Variants in TLL2 observed in about 807,000 individuals in gnomAD.
The protein encoded by TLL2 is tolloid-like protein 2.
Under a neutral mutation model 123.0 loss-of-function variants are expected in TLL2, and 106 were observed. The ratio of observed to expected loss-of-function variants is 0.86; its 90% confidence interval spans 0.74 to 1.01. The LOEUF (loss-of-function observed/expected upper bound fraction) is 1.01, where lower values mean the gene tolerates loss of function less well. Ranked by LOEUF, TLL2 falls within the 50% of genes least tolerant of loss-of-function variation. The pLI, the probability that TLL2 is intolerant of heterozygous loss-of-function variation, is 0.00. For synonymous variants in TLL2, 494 were observed against 516.8 expected (o/e 0.96, Z 0.60); for missense variants, 1,332 against 1,336.7 (o/e 1.00, Z 0.06).
intron 16 of TLL2, among the ~76,000 whole-genome samples, chr10:96,384,016 T>G (rs1024202646): frequency 2.0e-5 from 3 of 152,206 alleles, no homozygotes; most frequent in Non-Finnish European, 2.9e-5. Context: ...GAATGTGATC[T>G]TACTTGGAAA....
At chr10:96,384,999 G>T (rs1846220384) in intron 15 of TLL2, among the ~76,000 whole-genome samples, 1 of 152,252 alleles carries the variant, frequency 6.6e-6, no homozygotes, top group Non-Finnish European at 1.5e-5. Flanking sequence ...AGAGCACAGG[G>T]CTCCCAAACC....
At chr10:96,460,820 T>C (rs1317697701) in intron 2 of TLL2, among the ~76,000 whole-genome samples, 1 of 152,152 alleles carries the variant, frequency 6.6e-6, no homozygotes, top group Non-Finnish European at 1.5e-5. Flanking sequence ...AATGCCCTTA[T>C]AAAAGAGACC....
intron 2 of TLL2, among the ~76,000 whole-genome samples, chr10:96,460,146 A>C (rs1847065915): frequency 1.3e-5 from 2 of 152,226 alleles, no homozygotes; most frequent in Non-Finnish European, 2.9e-5. Context: ...CCACTCATAT[A>C]AGGGAAAATA....
chr10:96,508,123 C>T (rs1564921813), intron 1 of TLL2, among the ~76,000 whole-genome samples: 3 of 152,154 alleles, frequency 2.0e-5, no homozygotes, highest in Admixed American at 2.0e-4. Context: ...CAGGAGGCAC[C>T]ATGTGAGCCT....
At chr10:96,378,163 ACT>A (rs1846154429) in intron 17 of TLL2, among the ~76,000 whole-genome samples, 3 of 152,128 alleles carry the variant, frequency 2.0e-5, no homozygotes, top group Non-Finnish European at 2.9e-5. Context: ...TCCTGACCAG[ACT>A]CTGCGGCACC....
intron 7 of TLL2, among the ~76,000 whole-genome samples, chr10:96,418,754 A>G (rs536075968): frequency 7.3e-6 from 1 of 136,742 alleles, no homozygotes; most frequent in South Asian, 2.2e-4. Flanking sequence ...TTTATAAAAT[A>G]ATAATTATTA....
intron 10 of TLL2, among the ~76,000 whole-genome samples, chr10:96,403,228 CTCT>C (rs1207250919): frequency 6.6e-6 from 1 of 152,146 alleles, no homozygotes; most frequent in Non-Finnish European, 1.5e-5. Context: ...GCCACTGGTC[CTCT>C]AGGCAAGGCT....
At chr10:96,396,275 C>T (rs1157516485) in intron 11 of TLL2, among the ~76,000 whole-genome samples, 1 of 152,210 alleles carries the variant, frequency 6.6e-6, no homozygotes, top group Non-Finnish European at 1.5e-5. Flanking sequence ...GCATCAAAAT[C>T]GCCTGAGGGA....
At chr10:96,462,265 T>A (rs1847087855) in intron 2 of TLL2, among the ~76,000 whole-genome samples, 2 of 152,206 alleles carry the variant, frequency 1.3e-5, no homozygotes, top group Admixed American at 1.3e-4. Context: ...TGCCTCATTG[T>A]TCCTTCCCCT....
chr10:96,476,240 A>ATATATATATATATATTTTTTTTTTTTTT lies in TLL2; in HGVS notation c.286+4108_286+4109insAAAAAAAAAAAAAATATATATATATATA. ...TTTATATGTATATATATATATATATATTTTATTTTTGTTGTTGTTGTTGTT... is the reference window on the plus strand; with the variant it reads ...TTTATATGTATATATATATATATATATATATATATATATATTTTTTTTTTTTTTTTTTATTTTTGTTGTTGTTGTTGTT... On this transcript the variant is annotated intron_variant, in intron 2 of 20. Transcript: ENST00000357947. Among the ~76,000 whole-genome samples the ATATATATATATATATTTTTTTTTTTTTT allele has an allele frequency of 4.4e-4, 9 of 20,464 alleles. 1 individual carries two copies. The East Asian group carries it at 6.5e-3, about 15-fold the overall frequency. The allele number at this position is 20,464 out of a possible 152,430, so 13.4% of individuals were successfully genotyped here.
chr10:96,451,422 A>T (rs1240653633), intron 2 of TLL2, among the ~76,000 whole-genome samples: 1 of 152,224 alleles, frequency 6.6e-6, no homozygotes, highest in Non-Finnish European at 1.5e-5. Context: ...GCAGAAAGAG[A>T]TGGGCTTTTC....
intron 13 of TLL2, among the ~76,000 whole-genome samples, chr10:96,391,768 T>C (rs1024599129): frequency 3.3e-5 from 5 of 152,238 alleles, no homozygotes; most frequent in African/African-American, 1.2e-4. Flanking sequence ...TACTTTAAGA[T>C]TCATGGTCAA....
chr10:96,480,313 C>T, intron 2 of TLL2, 36 bp downstream of exon 2: 1 of 1,571,670 alleles, frequency 6.4e-7, no homozygotes. Context: ...CTCATCCCTC[C>T]CATCTGGGCA....
chr10:96,409,489 G>T (rs938528985), intron 9 of TLL2, among the ~76,000 whole-genome samples: 1 of 152,202 alleles, frequency 6.6e-6, no homozygotes, highest in Non-Finnish European at 1.5e-5. Context: ...GTAGCAAAAA[G>T]ATAAGCTTTG....
chr10:96,447,888 C>G (rs777398370), intron 2 of TLL2, among the ~76,000 whole-genome samples: 1 of 152,052 alleles, frequency 6.6e-6, no homozygotes, highest in Non-Finnish European at 1.5e-5. Flanking sequence ...GCTAAGGGCT[C>G]GGGACACAGT....
chr10:96,374,109 C>G (rs903242510), intron 18 of TLL2: 1 of 368,586 alleles, frequency 2.7e-6, no homozygotes, highest in Non-Finnish European at 5.1e-6. Context: ...ATTTTGACAG[C>G]TATTAAGCGA....
chr10:96,395,890 G>A lies in TLL2; in HGVS notation c.1515C>T (p.Thr505=). The change falls in exon 12 of 21, where the codon ACC becomes ACT. Residue 505 remains threonine, a synonymous_variant. Coordinates refer to ENST00000357947, the MANE Select transcript of TLL2 (RefSeq NM_012465.4). ...TVSEGFHVGL[T]FQAFEIERHD... Reference sequence around the variant, plus strand: ...CAGCACTCACCTCAAAAGCTTGGAAGGTAAGTCCCACGTGAAACCCCTCTG... The same window carrying A: ...CAGCACTCACCTCAAAAGCTTGGAAAGTAAGTCCCACGTGAAACCCCTCTG... 1.2e-6 allele frequency: 2 copies of A among 1,614,158 alleles called. No homozygotes were observed. The highest frequency in any genetic ancestry group is 1.1e-5 in the South Asian group (1 of 91,072).
At chr10:96,453,749 T>G (rs1846983532) in intron 2 of TLL2, among the ~76,000 whole-genome samples, 1 of 152,110 alleles carries the variant, frequency 6.6e-6, no homozygotes, top group Non-Finnish European at 1.5e-5. Context: ...CAGTATAAAT[T>G]CAATAGAATC....
chr10:96,413,404 T>C, intron 7 of TLL2, 88 bp from the exon 8 acceptor site: 1 of 1,505,188 alleles, frequency 6.6e-7, no homozygotes, highest in Non-Finnish European at 8.9e-7. Flanking sequence ...CCCTTGCCCA[T>C]AACCCCATCA....
Sources: gnomAD v4.1 joint callset for allele counts (sites outside exome capture counted in the v4.1 genomes callset) on GRCh38, gnomAD v4.1.1 for gene constraint, MANE v1.5 for transcripts, NCBI Gene and HGNC (gene_info 2026-07-23, HGNC 2026-07-21) for gene names.